ZNRF2: variants seen among roughly 807,000 people sequenced by gnomAD.
ZNRF2 encodes the protein zinc and ring finger 2, also known as E3 ubiquitin-protein ligase ZNRF2.
In ZNRF2, 16 loss-of-function variants were observed where a neutral mutation model predicts 20.4. The ratio of observed to expected loss-of-function variants is 0.79; its 90% CI spans 0.53 to 1.19. ZNRF2 has a LOEUF of 1.19. Among genes scored for constraint, ZNRF2 ranks in the 50% most tolerant of loss-of-function variants. ZNRF2 has a pLI of 0.00. For synonymous variants in ZNRF2, 178 were observed against 144.9 expected (o/e 1.23, Z -1.64); for missense variants, 363 against 332.4 (o/e 1.09, Z -0.72).
chr7:30,334,772 A>G (rs554358073), intron 2 of ZNRF2, among the ~76,000 whole-genome samples: 1 of 152,312 alleles, frequency 6.6e-6, no homozygotes, highest in East Asian at 1.9e-4. Context: ...ACTTAAAGCT[A>G]CAGTTTAATG....
chr7:30,323,895 A>T (rs148551159), intron 2 of ZNRF2, among the ~76,000 whole-genome samples, 158 bp downstream of exon 2: 11 of 152,296 alleles, frequency 7.2e-5, no homozygotes, highest in African/African-American at 2.6e-4. Context: ...TGATCTCAAG[A>T]CTTCTTTACA....
intron 2 of ZNRF2, among the ~76,000 whole-genome samples, chr7:30,336,603 T>G (rs1799719416): frequency 6.6e-6 from 1 of 152,182 alleles, no homozygotes; most frequent in Non-Finnish European, 1.5e-5. Flanking sequence ...TTCTAGGTAG[T>G]TTCTCATTTA....
At chr7:30,300,152 T>C (rs1027519177) in intron 1 of ZNRF2, among the ~76,000 whole-genome samples, 3 of 149,032 alleles carry the variant, frequency 2.0e-5, no homozygotes, top group Non-Finnish European at 4.5e-5. Flanking sequence ...ACAAGTCTTT[T>C]TTTTTTTTTT....
intron 2 of ZNRF2, among the ~76,000 whole-genome samples, chr7:30,329,987 A>G (rs549358827): frequency 9.2e-5 from 14 of 152,140 alleles, no homozygotes; most frequent in Admixed American, 3.9e-4. Context: ...TGTCTTTTTG[A>G]TAAAAGCTGT....
Position 30,367,181 on chromosome 7 carries a change from A to G in ZNRF2, c.*1169A>G, listed in dbSNP as rs1469742043. The G allele has an allele frequency of 1.3e-5, 2 of 152,518 alleles. No homozygotes were observed. The highest frequency in any genetic ancestry group is 2.9e-5 in the Non-Finnish European group (2 of 67,930). 9.4% of individuals were successfully genotyped at this position (152,518 alleles called of 1,614,324 possible). On this transcript the variant is annotated 3_prime_UTR_variant, in exon 5 of 5. Coordinates refer to ENST00000323037, the MANE Select transcript of ZNRF2 (RefSeq NM_147128.4). ...TAAAGTAGATATGAAGATTTTGTTA[A>G]TTTATAATTTATTCATGTGTTATTA... is the stretch of plus-strand genomic sequence containing the variant.
chr7:30,359,174 A>G (rs529559980), intron 3 of ZNRF2, among the ~76,000 whole-genome samples: 211 of 152,308 alleles, frequency 1.4e-3, no homozygotes, highest in African/African-American at 4.8e-3. Flanking sequence ...CAAAATCTAA[A>G]GTGGTGAGGA....
chr7:30,287,603 A>G (rs2128053788), intron 1 of ZNRF2, among the ~76,000 whole-genome samples: 1 of 152,260 alleles, frequency 6.6e-6, no homozygotes, highest in African/African-American at 2.4e-5. Context: ...TAGTTGCTTA[A>G]AGTTGGAGAT....
At chr7:30,337,896 G>A (rs968491516) in intron 2 of ZNRF2, among the ~76,000 whole-genome samples, 4 of 152,074 alleles carry the variant, frequency 2.6e-5, no homozygotes, top group Non-Finnish European at 5.9e-5. Flanking sequence ...CAGAGAGGTA[G>A]CCAGTACTAC....
In ZNRF2 at chr7:30,362,775, C is replaced by T. The variant is rs187281156; in HGVS notation, c.*22+319C>T. 5.7e-3 allele frequency among the ~76,000 whole-genome samples: 866 copies of T among 152,182 alleles called. 7 individuals are homozygous for T. Among genetic ancestry groups the T allele is most frequent in the Middle Eastern group, 0.01 (3 of 294 alleles). On this transcript the variant is annotated intron_variant, in intron 4 of 4. Transcript: ENST00000323037. ...ACTAAAAATACAAAAATTAGCCAGG[C>T]TTGGTGGTGCACACCTGTAATCCGA...
At chr7:30,301,699 TTAA>T (rs374371408) in intron 1 of ZNRF2, among the ~76,000 whole-genome samples, 175 of 126,352 alleles carry the variant, frequency 1.4e-3, no homozygotes, top group African/African-American at 5.6e-3. Context: ...GAGGCTTTTT[TTAA>T]AAAAAAAAAA....
chr7:30,333,225 TG>T (rs1562615752), intron 2 of ZNRF2, among the ~76,000 whole-genome samples: 1 of 151,952 alleles, frequency 6.6e-6, no homozygotes, highest in Non-Finnish European at 1.5e-5. Context: ...GGCTAATTTT[TG>T]TAGTTTTAGT....
At position 30,338,449 on chromosome 7, in the gene ZNRF2, C is replaced by T. The variant is rs1269432345; in HGVS notation, c.565+14712C>T. The stretch of plus-strand genomic sequence containing the variant: ...CCCCCCCCCACCCCCCAACAGGCCC[C>T]AGTGTGTGATATTCCCCTCCCTGTG... On this transcript the variant is annotated intron_variant, in intron 2 of 4. Coordinates refer to ENST00000323037, the MANE Select transcript of ZNRF2 (RefSeq NM_147128.4). Among the ~76,000 whole-genome samples, 5 of 146,698 alleles carry T rather than the reference C, an allele frequency of 3.4e-5. No homozygotes were observed. The East Asian group carries it at 6.0e-4, about 18-fold the overall frequency.
intron 1 of ZNRF2, among the ~76,000 whole-genome samples, chr7:30,322,177 C>G (rs1250102288): frequency 6.6e-6 from 1 of 151,980 alleles, no homozygotes; most frequent in Non-Finnish European, 1.5e-5. Flanking sequence ...AGTAAACATA[C>G]CTTTATTCCT....
At chr7:30,334,044 G>A (rs1252992981) in intron 2 of ZNRF2, among the ~76,000 whole-genome samples, 2 of 152,014 alleles carry the variant, frequency 1.3e-5, no homozygotes, top group Non-Finnish European at 2.9e-5. Context: ...TGCCTTTGAT[G>A]TCTTACTATA....
intron 2 of ZNRF2, among the ~76,000 whole-genome samples, chr7:30,355,494 T>C (rs1426387390): frequency 6.6e-6 from 1 of 152,150 alleles, no homozygotes; most frequent in Non-Finnish European, 1.5e-5. Context: ...TTGCTTACTG[T>C]AATGCTTCAA....
In ZNRF2 at chr7:30,295,038, AGAGAGAGAGAGAGTGTGTGTGT is replaced by A. The variant is rs1301015723; in HGVS notation, c.469+9214_469+9235del. Among the ~76,000 whole-genome samples, 3 of 112,944 alleles carry A rather than the reference AGAGAGAGAGAGAGTGTGTGTGT, an allele frequency of 2.7e-5. No individual in the cohort carries two copies. In the East Asian group the frequency reaches 8.2e-4, roughly 31 times the overall value. The allele number at this position is 112,944 out of a possible 152,430, so 74.1% of individuals were successfully genotyped here. A position where few individuals can be genotyped will look rare whatever the true frequency, so the allele number is the denominator to read the frequency against. The stretch of plus-strand genomic sequence containing the variant: ...AGGAGAGAGAGAGAGAGAGAGAGAG[AGAGAGAGAGAGAGTGTGTGTGT>A]GTGTGTGTGTGTGTGTGTGTGTGTG... On this transcript the variant is annotated intron_variant, in intron 1 of 4. Coordinates refer to ENST00000323037, the MANE Select transcript of ZNRF2 (RefSeq NM_147128.4).
intron 1 of ZNRF2, among the ~76,000 whole-genome samples, chr7:30,314,910 G>A (rs1478846409): frequency 1.3e-5 from 2 of 151,686 alleles, no homozygotes; most frequent in African/African-American, 4.8e-5. Flanking sequence ...TCTGCCTCCT[G>A]GGTTCACACC....
chr7:30,349,539 C>T (rs1023845902), intron 2 of ZNRF2, among the ~76,000 whole-genome samples: 12 of 151,384 alleles, frequency 7.9e-5, no homozygotes, highest in African/African-American at 2.9e-4. Flanking sequence ...CTGTTATATT[C>T]CATAATAAAT....
At chr7:30,328,925 A>G (rs7805248) in intron 2 of ZNRF2, among the ~76,000 whole-genome samples, 11,338 of 152,276 alleles carry the variant, frequency 0.074, 582 homozygotes, top group African/African-American at 0.15. Context: ...TGAGTATTCA[A>G]CAACATAGAT....
Sources: gnomAD v4.1 joint callset for allele counts (sites outside exome capture counted in the v4.1 genomes callset) on GRCh38, gnomAD v4.1.1 for gene constraint, MANE v1.5 for transcripts, NCBI Gene and HGNC (gene_info 2026-07-23, HGNC 2026-07-21) for gene names.